Variants in FRMD3 observed in about 807,000 individuals in gnomAD.
The protein encoded by FRMD3 is FERM domain-containing protein 3.
A neutral mutation model predicts 70.2 loss-of-function variants in FRMD3; 33 were observed. The ratio of observed to expected loss-of-function variants is 0.47; its 90% CI spans 0.36 to 0.63. The LOEUF (loss-of-function observed/expected upper bound fraction) is 0.63. Among genes scored for constraint, FRMD3 ranks in the 20% least tolerant of loss-of-function variants. The probability of loss-of-function intolerance (pLI) is 0.00; values close to 1 mark genes in which losing one functional copy is unlikely to be tolerated. For synonymous variants in FRMD3, 279 were observed against 255.9 expected, an observed-to-expected ratio of 1.09 and a Z score of -0.86; for missense variants, 632 against 711.4, an observed-to-expected ratio of 0.89 and a Z score of 1.27.
At chr9:83,509,275 CT>C (rs1351359506) in intron 1 of FRMD3, among the ~76,000 whole-genome samples, 1 of 152,166 alleles carries the variant, frequency 6.6e-6, no homozygotes, top group Non-Finnish European at 1.5e-5. Flanking sequence ...ATTTTACAAT[CT>C]TTAGCTCATT....
intron 13 of FRMD3, among the ~76,000 whole-genome samples, chr9:83,264,182 C>T (rs11795034): frequency 0.51 from 76,821 of 151,994 alleles, 21,335 homozygotes; most frequent in South Asian, 0.76. Context: ...AGCTTATATG[C>T]ATATTATTCA....
chr9:83,329,422 A>G (rs922894743), intron 6 of FRMD3, among the ~76,000 whole-genome samples: 1 of 152,228 alleles, frequency 6.6e-6, no homozygotes, highest in African/African-American at 2.4e-5. Flanking sequence ...CTTTTTACAC[A>G]ATAAACACAC....
rs1832224582 is a variant in FRMD3, at chr9:83,248,361, C to T, written c.1351G>A (p.Ala451Thr). The change falls in exon 14 of 14, where the codon GCC (alanine) becomes ACC (threonine). Residue 451 changes from alanine to threonine, a missense_variant. Ala to Thr is a moderately conservative substitution (Grantham distance 58). Around this residue, in one of 3 missense-constraint regions of FRMD3, gnomAD observed 418 missense variants for 442.1 expected, o/e 0.95. Transcript: ENST00000304195. ...TISELVYNPS[A>T]SLLPTPVDDD... is the part of the protein sequence containing the mutation. ...TCCACAGGGGTGGGGAGCAGGCTGG[C>T]ACTTGGGTTGTACACTAGTTCAGAG... 1 of 1,614,130 alleles carries T rather than the reference C, an allele frequency of 6.2e-7. No individual in the cohort carries two copies. The highest frequency in any genetic ancestry group is 1.1e-5 in the South Asian group (1 of 91,076).
intron 6 of FRMD3, among the ~76,000 whole-genome samples, chr9:83,318,459 T>C (rs2131078711): frequency 6.6e-6 from 1 of 151,730 alleles, no homozygotes; most frequent in East Asian, 1.9e-4. Context: ...TAGTATTCCA[T>C]GCTATATATA....
chr9:83,377,246 T>C (rs75891055), intron 2 of FRMD3, among the ~76,000 whole-genome samples: 1,938 of 152,268 alleles, frequency 0.013, 33 homozygotes, highest in African/African-American at 0.044. Flanking sequence ...TCAAAAAATA[T>C]ATATGTAAGC....
intron 2 of FRMD3, among the ~76,000 whole-genome samples, chr9:83,376,144 G>A (rs1457693677): frequency 3.0e-5 from 4 of 132,894 alleles, no homozygotes; most frequent in African/African-American, 1.1e-4. Context: ...TGGGCCACAA[G>A]AGCAAGATTC....
intron 1 of FRMD3, among the ~76,000 whole-genome samples, chr9:83,411,691 C>T (rs1378664690): frequency 6.6e-6 from 1 of 152,156 alleles, no homozygotes; most frequent in African/African-American, 2.4e-5. Context: ...GAGAAGTAAG[C>T]AGTGATAGAA....
intron 1 of FRMD3, among the ~76,000 whole-genome samples, chr9:83,411,538 T>C (rs926086968): frequency 6.6e-6 from 1 of 152,226 alleles, no homozygotes; most frequent in Non-Finnish European, 1.5e-5. Context: ...CTCAAAAGCA[T>C]AGACCATGAC....
intron 1 of FRMD3, among the ~76,000 whole-genome samples, chr9:83,465,705 T>C (rs1023697164): frequency 4.6e-5 from 7 of 152,230 alleles, no homozygotes; most frequent in Non-Finnish European, 7.3e-5. Flanking sequence ...ATACATGCTA[T>C]ACCCTGCCAG....
At chr9:83,434,508 C>G (rs1244231484) in intron 1 of FRMD3, among the ~76,000 whole-genome samples, 1 of 152,172 alleles carries the variant, frequency 6.6e-6, no homozygotes, top group Non-Finnish European at 1.5e-5. Context: ...ACTCACAAGC[C>G]CAATAAACCT....
chr9:83,278,698 C>T (rs990779976), intron 13 of FRMD3, among the ~76,000 whole-genome samples: 2 of 152,078 alleles, frequency 1.3e-5, no homozygotes, highest in South Asian at 2.1e-4. Flanking sequence ...CAAGCAGGGG[C>T]ACGTCCCCAG....
At chr9:83,295,017 C>T (rs1393892320) in intron 12 of FRMD3, among the ~76,000 whole-genome samples, 2 of 152,224 alleles carry the variant, frequency 1.3e-5, no homozygotes, top group Non-Finnish European at 2.9e-5. Context: ...CAGAATCCAT[C>T]TATCAGATGA....
At chr9:83,445,759 T>C (rs772336658) in intron 1 of FRMD3, among the ~76,000 whole-genome samples, 16 of 152,188 alleles carry the variant, frequency 1.1e-4, no homozygotes, top group South Asian at 2.1e-4. Flanking sequence ...CTTTGAGGAA[T>C]TGCTTTTCTG....
intron 12 of FRMD3, among the ~76,000 whole-genome samples, chr9:83,295,049 G>A (rs912811455): frequency 1.3e-5 from 2 of 152,148 alleles, no homozygotes; most frequent in African/African-American, 2.4e-5. Flanking sequence ...TATCTGGCCC[G>A]CTTTGCAGCC....
intron 4 of FRMD3, 134 bp downstream of exon 4, chr9:83,349,545 G>A: frequency 1.7e-6 from 1 of 592,276 alleles, no homozygotes; most frequent in Non-Finnish European, 3.0e-6. Context: ...AGCATTCCAA[G>A]CAAAAACGCT....
rs188357083 is a variant in FRMD3, at chr9:83,499,150, G to A, written c.147+38935C>T. On this transcript the variant is annotated intron_variant, in intron 1 of 13. Coordinates refer to ENST00000304195, the MANE Select transcript of FRMD3 (RefSeq NM_174938.6). Reference sequence around the variant, plus strand: ...GCAAACCCAACTGAGAGAATGGCACGGGAGTGTCTATGTAAACAAAAATTC... The same window carrying A: ...GCAAACCCAACTGAGAGAATGGCACAGGAGTGTCTATGTAAACAAAAATTC... 1.5e-3 allele frequency among the ~76,000 whole-genome samples: 234 copies of A among 152,266 alleles called. 2 individuals are homozygous for A. The highest frequency in any genetic ancestry group is 5.3e-3 in the African/African-American group (222 of 41,550).
intron 1 of FRMD3, among the ~76,000 whole-genome samples, chr9:83,421,568 C>A (rs1481065852): frequency 1.3e-5 from 2 of 152,172 alleles, no homozygotes; most frequent in Non-Finnish European, 2.9e-5. Context: ...AGAAACCATG[C>A]AATGAGCCAT....
chr9:83,391,830 T>A (rs1825674007), intron 1 of FRMD3, among the ~76,000 whole-genome samples: 1 of 152,194 alleles, frequency 6.6e-6, no homozygotes, highest in Non-Finnish European at 1.5e-5. Context: ...ATTCTAGGTC[T>A]TTGCTACTGA....
intron 3 of FRMD3, among the ~76,000 whole-genome samples, chr9:83,360,604 T>C (rs965268182): frequency 6.6e-5 from 10 of 152,116 alleles, no homozygotes; most frequent in Non-Finnish European, 1.3e-4. Context: ...ATATAAGGAC[T>C]TCCCCCAGGA....
Sources: gnomAD v4.1 joint callset for allele counts (sites outside exome capture counted in the v4.1 genomes callset) on GRCh38, gnomAD v4.1.1 for gene constraint, gnomAD v4.1.1 regional missense constraint, MANE v1.5 for transcripts, NCBI Gene and HGNC (gene_info 2026-07-23, HGNC 2026-07-21) for gene names.